ATRNL1: variants seen among roughly 807,000 people sequenced by gnomAD.
The protein encoded by ATRNL1 is attractin like 1.
ATRNL1 carries 95 observed loss-of-function variants against 182.7 expected under a neutral mutation model. The observed-to-expected ratio is 0.52, with a 90% CI of 0.44 to 0.62. ATRNL1 has a LOEUF of 0.62. ATRNL1 is among the 20% of genes least tolerant of loss of function. ATRNL1 has a pLI of 0.00. For synonymous variants in ATRNL1, 576 were observed against 568.3 expected (o/e 1.01, Z -0.19); for missense variants, 1,471 against 1,679.5 (o/e 0.88, Z 2.17).
At chr10:115,849,270 G>A (rs1365295002) in intron 28 of ATRNL1, among the ~76,000 whole-genome samples, 2 of 152,114 alleles carry the variant, frequency 1.3e-5, no homozygotes, top group Non-Finnish European at 2.9e-5. Context: ...CACCTCCAAG[G>A]TAAATGGGAT....
At chr10:115,703,435 C>T (rs1946801047) in intron 26 of ATRNL1, among the ~76,000 whole-genome samples, 1 of 151,926 alleles carries the variant, frequency 6.6e-6, no homozygotes, top group Non-Finnish European at 1.5e-5. Flanking sequence ...TAAAGAGCTT[C>T]TGCACAGCAA....
chr10:115,670,524 T>A (rs1945662536), intron 26 of ATRNL1, among the ~76,000 whole-genome samples: 2 of 152,260 alleles, frequency 1.3e-5, no homozygotes, highest in Non-Finnish European at 2.9e-5. Flanking sequence ...GTGTGAGTAA[T>A]GTCTCTAGTC....
At chr10:115,476,967 A>G (rs1554973272) in intron 24 of ATRNL1, among the ~76,000 whole-genome samples, 1 of 151,538 alleles carries the variant, frequency 6.6e-6, no homozygotes, top group African/African-American at 2.4e-5. Context: ...TTGTATTTTT[A>G]GTACTTAGCT....
chr10:115,214,327 T>G lies in ATRNL1; in HGVS notation c.1349-1370T>G, dbSNP rs1044485975. ...TAGTTCAAATATATATATATATATATAGTTAAGTGGTTAAAGAATATTAAT... is the reference window on the plus strand; with the variant it reads ...TAGTTCAAATATATATATATATATAGAGTTAAGTGGTTAAAGAATATTAAT... On this transcript the variant is annotated intron_variant, in intron 8 of 28. Coordinates refer to ENST00000355044, the MANE Select transcript of ATRNL1 (RefSeq NM_207303.4). Among the ~76,000 whole-genome samples the G allele has an allele frequency of 1.2e-4, 17 of 143,402 alleles. No individual in the cohort carries two copies. The South Asian group carries it at 3.8e-3, about 32-fold the overall frequency. The allele number at this position is 143,402 out of a possible 152,430, so 94.1% of individuals were successfully genotyped here.
chr10:115,193,465 G>A (rs1410588588), intron 8 of ATRNL1, among the ~76,000 whole-genome samples: 1 of 151,936 alleles, frequency 6.6e-6, no homozygotes, highest in African/African-American at 2.4e-5. Flanking sequence ...TATGTTGCAA[G>A]TAATGTATCT....
At chr10:115,472,255 T>C (rs1321569711) in intron 24 of ATRNL1, among the ~76,000 whole-genome samples, 2 of 151,208 alleles carry the variant, frequency 1.3e-5, no homozygotes, top group Non-Finnish European at 3.0e-5. Flanking sequence ...AGATTCATAA[T>C]ATAGTTTGAA....
intron 27 of ATRNL1, among the ~76,000 whole-genome samples, chr10:115,838,090 A>G (rs1196430471): frequency 6.6e-6 from 1 of 152,188 alleles, no homozygotes. Flanking sequence ...TCTGTATGGA[A>G]AAGCTGTGGC....
intron 8 of ATRNL1, among the ~76,000 whole-genome samples, chr10:115,197,685 G>A (rs1476080902): frequency 6.6e-6 from 1 of 152,028 alleles, no homozygotes; most frequent in African/African-American, 2.4e-5. Context: ...GTCGGCCTGG[G>A]GAATCCATAT....
At chr10:115,344,907 G>A (rs1339455179) in intron 19 of ATRNL1, among the ~76,000 whole-genome samples, 1 of 152,178 alleles carries the variant, frequency 6.6e-6, no homozygotes, top group Non-Finnish European at 1.5e-5. Context: ...TTCTGGCCCA[G>A]TATGTGTCTA....
intron 26 of ATRNL1, among the ~76,000 whole-genome samples, chr10:115,673,507 T>C (rs1555042055): frequency 6.6e-6 from 1 of 152,000 alleles, no homozygotes; most frequent in African/African-American, 2.4e-5. Flanking sequence ...GGTATCTCCA[T>C]TGGTAAAGAT....
At chr10:115,716,312 A>C (rs1947250175) in intron 26 of ATRNL1, among the ~76,000 whole-genome samples, 1 of 152,214 alleles carries the variant, frequency 6.6e-6, no homozygotes, top group South Asian at 2.1e-4. Flanking sequence ...ATAGCAAAAT[A>C]ATCCCATTTT....
intron 26 of ATRNL1, among the ~76,000 whole-genome samples, chr10:115,668,771 T>C (rs1945595676): frequency 6.6e-6 from 1 of 152,150 alleles, no homozygotes; most frequent in Non-Finnish European, 1.5e-5. Context: ...TTATGTTCAA[T>C]AGAATTCACT....
chr10:115,237,006 G>A (rs1850215612), intron 9 of ATRNL1, among the ~76,000 whole-genome samples: 1 of 152,066 alleles, frequency 6.6e-6, no homozygotes, highest in South Asian at 2.1e-4. Context: ...GTAGTATGTA[G>A]CCTTTTAATT....
At chr10:115,321,266 C>T (rs192532132) in intron 18 of ATRNL1, among the ~76,000 whole-genome samples, 205 of 152,218 alleles carry the variant, frequency 1.3e-3, no homozygotes, top group African/African-American at 4.7e-3. Context: ...TGGGTGCCTG[C>T]GCCTTCTTCT....
chr10:115,540,195 C>T (rs1336110), intron 25 of ATRNL1, among the ~76,000 whole-genome samples: 1 of 151,758 alleles, frequency 6.6e-6, no homozygotes, highest in African/African-American at 2.4e-5. Flanking sequence ...TCCTGAGCTG[C>T]CTGTGTGCTG....
chr10:115,359,941 T>G (rs112196328), intron 19 of ATRNL1, among the ~76,000 whole-genome samples: 21 of 151,734 alleles, frequency 1.4e-4, no homozygotes, highest in African/African-American at 4.8e-4. Flanking sequence ...AACATACATT[T>G]TGTGCATTCT....
chr10:115,135,765 G>A (rs1048168902), intron 5 of ATRNL1, among the ~76,000 whole-genome samples: 1 of 152,090 alleles, frequency 6.6e-6, no homozygotes, highest in African/African-American at 2.4e-5. Flanking sequence ...GAGGCATCAC[G>A]CTCCCTGACT....
chr10:115,432,521 G>T (rs1157098057), intron 21 of ATRNL1, among the ~76,000 whole-genome samples: 1 of 152,118 alleles, frequency 6.6e-6, no homozygotes, highest in African/African-American at 2.4e-5. Flanking sequence ...TAATTTTCAA[G>T]ATTAGATCGA....
chr10:115,519,054 A>G (rs565871860), intron 24 of ATRNL1, among the ~76,000 whole-genome samples: 4 of 152,068 alleles, frequency 2.6e-5, no homozygotes, highest in African/African-American at 4.8e-5. Context: ...AAAATATTTA[A>G]TGTCGTATTC....
Sources: allele counts gnomAD v4.1 joint callset (sites outside exome capture counted in the v4.1 genomes callset), GRCh38; gene constraint gnomAD v4.1.1; transcripts MANE v1.5; gene names NCBI Gene and HGNC (gene_info 2026-07-23, HGNC 2026-07-21).